LINGO2: variants seen among roughly 807,000 people sequenced by gnomAD.
LINGO2 encodes leucine-rich repeat and immunoglobulin-like domain-containing nogo receptor-interacting protein 2.
LINGO2 carries 14 observed loss-of-function variants against 30.6 expected under a neutral mutation model. The ratio of observed to expected loss-of-function variants is 0.46; its 90% CI spans 0.30 to 0.72. LINGO2 has a LOEUF of 0.72. Ranked by LOEUF, LINGO2 falls within the 30% of genes least tolerant of loss-of-function variation. The probability of loss-of-function intolerance (pLI) is 0.07; values close to 1 mark genes in which losing one functional copy is unlikely to be tolerated. For synonymous variants in LINGO2, 317 were observed against 288.5 expected, an observed-to-expected ratio of 1.10 and a Z score of -1.00; for missense variants, 729 against 751.7, an observed-to-expected ratio of 0.97 and a Z score of 0.35.
intron 1 of LINGO2, among the ~76,000 whole-genome samples, chr9:28,556,966 C>A (rs1008989910): frequency 3.9e-5 from 6 of 152,056 alleles, no homozygotes; most frequent in Non-Finnish European, 8.8e-5. Context: ...GAAACTAGAT[C>A]CCTTCCTTAC....
intron 3 of LINGO2, among the ~76,000 whole-genome samples, chr9:28,310,164 T>C (rs1824553696): frequency 6.6e-6 from 1 of 152,104 alleles, no homozygotes; most frequent in Non-Finnish European, 1.5e-5. Flanking sequence ...CACAAATATA[T>C]AGTCCAGCCA....
the LINGO2 span, among the ~76,000 whole-genome samples, chr9:28,884,926 TA>T: frequency 0.12 from 561 of 4,724 alleles, 26 homozygotes; most frequent in African/African-American, 0.19. Flanking sequence ...ATACTATATA[TA>T]ATATTATATA....
At chr9:28,013,815 CT>C (rs1481401427) in intron 4 of LINGO2, among the ~76,000 whole-genome samples, 2 of 152,156 alleles carry the variant, frequency 1.3e-5, no homozygotes, top group Non-Finnish European at 2.9e-5. Flanking sequence ...CCTTTATCCT[CT>C]TAGCACATGA....
At chr9:28,073,978 C>G (rs1488945337) in intron 4 of LINGO2, among the ~76,000 whole-genome samples, 1 of 152,162 alleles carries the variant, frequency 6.6e-6, no homozygotes, top group Non-Finnish European at 1.5e-5. Flanking sequence ...AGTTTTCAAG[C>G]TGGGTTGTCT....
chr9:28,280,193 T>G (rs960795812), intron 4 of LINGO2, among the ~76,000 whole-genome samples: 1 of 152,084 alleles, frequency 6.6e-6, no homozygotes, highest in Non-Finnish European at 1.5e-5. Flanking sequence ...AAAATTACAT[T>G]TATGAATTCA....
At chr9:28,064,506 G>A (rs566981090) in intron 4 of LINGO2, among the ~76,000 whole-genome samples, 1 of 152,110 alleles carries the variant, frequency 6.6e-6, no homozygotes, top group Non-Finnish European at 1.5e-5. Flanking sequence ...TGAGAATCCC[G>A]ACTGTTGATA....
At chr9:29,027,027 C>T in the LINGO2 span, among the ~76,000 whole-genome samples, 1 of 152,152 alleles carries the variant, frequency 6.6e-6, no homozygotes, top group South Asian at 2.1e-4. Flanking sequence ...TGAGATTTCT[C>T]CACAAAGGTG....
At position 28,267,346 on chromosome 9, in the gene LINGO2, C is replaced by T. The variant is rs538485761; in HGVS notation, c.-87+27862G>A. On this transcript the variant is annotated intron_variant, in intron 4 of 5. Transcript: ENST00000379992. The stretch of plus-strand genomic sequence containing the variant: ...ACACATAGCTGCCAAATTCAACTTT[C>T]CTCACTTATTCCTTTGCTTAGGGCA... 2.3e-3 allele frequency among the ~76,000 whole-genome samples: 344 copies of T among 150,538 alleles called. 2 individuals are homozygous for T. The highest frequency in any genetic ancestry group is 4.0e-3 in the Non-Finnish European group (273 of 67,910).
At chr9:28,414,824 A>T (rs897368652) in intron 2 of LINGO2, among the ~76,000 whole-genome samples, 9 of 152,130 alleles carry the variant, frequency 5.9e-5, no homozygotes, top group Admixed American at 2.0e-4. Flanking sequence ...TGTACAAATA[A>T]TATATCCTCA....
chr9:28,543,573 A>C (rs1821799299), intron 1 of LINGO2, among the ~76,000 whole-genome samples: 1 of 152,060 alleles, frequency 6.6e-6, no homozygotes, highest in Non-Finnish European at 1.5e-5. Flanking sequence ...TAAGCCCAGA[A>C]ACAGTGACAA....
At chr9:28,205,690 C>T (rs1287808231) in intron 4 of LINGO2, among the ~76,000 whole-genome samples, 2 of 152,132 alleles carry the variant, frequency 1.3e-5, no homozygotes, top group African/African-American at 2.4e-5. Context: ...TCATTCATTT[C>T]GGTGACAGAA....
At chr9:28,776,317 C>A in the LINGO2 span, among the ~76,000 whole-genome samples, 1 of 151,994 alleles carries the variant, frequency 6.6e-6, no homozygotes, top group Non-Finnish European at 1.5e-5. Flanking sequence ...AATGTGCTAG[C>A]CCATGAATCA....
the LINGO2 span, among the ~76,000 whole-genome samples, chr9:29,046,107 C>G: frequency 6.6e-6 from 1 of 152,130 alleles, no homozygotes; most frequent in African/African-American, 2.4e-5. Context: ...TTCCTCTCTT[C>G]CTATTTGGAT....
chr9:28,985,544 G>A, the LINGO2 span, among the ~76,000 whole-genome samples: 17 of 151,890 alleles, frequency 1.1e-4, no homozygotes, highest in African/African-American at 4.1e-4. Flanking sequence ...TCATCTTTTT[G>A]ATAACAGCCA....
chr9:28,270,656 T>C (rs918895798), intron 4 of LINGO2, among the ~76,000 whole-genome samples: 20 of 152,108 alleles, frequency 1.3e-4, no homozygotes, highest in African/African-American at 4.1e-4. Flanking sequence ...AGATCACGAC[T>C]GAATATGTTT....
At chr9:28,694,823 T>A in the LINGO2 span, among the ~76,000 whole-genome samples, 1 of 152,094 alleles carries the variant, frequency 6.6e-6, no homozygotes, top group East Asian at 1.9e-4. Flanking sequence ...CATGTGTCAC[T>A]TATGAGCTGG....
chr9:28,833,407 G>T, the LINGO2 span, among the ~76,000 whole-genome samples: 1 of 152,138 alleles, frequency 6.6e-6, no homozygotes, highest in East Asian at 1.9e-4. Flanking sequence ...CATTGGCTCT[G>T]ATTTTAGTTT....
At chr9:28,608,150 A>AT (rs1825769596) in intron 1 of LINGO2, among the ~76,000 whole-genome samples, 3 of 108,278 alleles carry the variant, frequency 2.8e-5, no homozygotes, top group Middle Eastern at 4.9e-3. Flanking sequence ...CTGTAGAAAG[A>AT]TAAAAAAAAA....
At chr9:28,535,592 G>A (rs1444243070) in intron 1 of LINGO2, among the ~76,000 whole-genome samples, 1 of 151,914 alleles carries the variant, frequency 6.6e-6, no homozygotes, top group Non-Finnish European at 1.5e-5. Flanking sequence ...AGCAAGGTAG[G>A]CTAAGACTGT....
Sources: allele counts gnomAD v4.1 joint callset (sites outside exome capture counted in the v4.1 genomes callset), GRCh38; gene constraint gnomAD v4.1.1; transcripts MANE v1.5; gene names NCBI Gene and HGNC (gene_info 2026-07-23, HGNC 2026-07-21).